NACC2: variants seen among roughly 807,000 people sequenced by gnomAD.
NACC2 encodes the protein nucleus accumbens-associated protein 2.
A neutral mutation model predicts 25.1 loss-of-function variants in NACC2; 8 were observed. That is an observed-to-expected ratio of 0.32 (90% CI 0.19 to 0.57). The LOEUF (loss-of-function observed/expected upper bound fraction) is 0.57, where lower values mean the gene tolerates loss of function less well. Among genes scored for constraint, NACC2 ranks in the 20% least tolerant of loss-of-function variants. The pLI is 0.89. For synonymous variants in NACC2, 435 were observed against 294.7 expected, an observed-to-expected ratio of 1.48 and a Z score of -4.88; for missense variants, 644 against 650.2, an observed-to-expected ratio of 0.99 and a Z score of 0.10.
intron 1 of NACC2, among the ~76,000 whole-genome samples, chr9:136,060,017 G>T (rs1156938692): frequency 6.6e-6 from 1 of 152,262 alleles, no homozygotes; most frequent in African/African-American, 2.4e-5. Flanking sequence ...GACACAGGGT[G>T]ACCCCACTCT....
intron 1 of NACC2, among the ~76,000 whole-genome samples, chr9:136,058,156 C>T (rs1256332097): frequency 2.6e-5 from 4 of 152,346 alleles, no homozygotes; most frequent in African/African-American, 9.6e-5. Context: ...CCCTGGCTGG[C>T]AAGGGGGCTG....
At chr9:136,088,816 C>T (rs1270340722) in intron 1 of NACC2, among the ~76,000 whole-genome samples, 3 of 152,168 alleles carry the variant, frequency 2.0e-5, no homozygotes, top group African/African-American at 7.2e-5. Context: ...AGCACAAGGG[C>T]TGGGCTGTCC....
At chr9:136,074,926 C>G (rs79106207) in intron 1 of NACC2, among the ~76,000 whole-genome samples, 6,700 of 152,298 alleles carry the variant, frequency 0.044, 177 homozygotes, top group Non-Finnish European at 0.058. Context: ...AATGGGTTCT[C>G]GCACGGCCTC....
At chr9:136,028,987 C>A (rs1840436366) in intron 2 of NACC2, among the ~76,000 whole-genome samples, 1 of 152,138 alleles carries the variant, frequency 6.6e-6, no homozygotes, top group Non-Finnish European at 1.5e-5. Context: ...GGGCTAACAG[C>A]CTGGGTGTGT....
intron 5 of NACC2, among the ~76,000 whole-genome samples, chr9:136,012,650 A>C (rs1840128297): frequency 7.1e-6 from 1 of 141,262 alleles, no homozygotes; most frequent in East Asian, 2.0e-4. Context: ...TTGCCTCACA[A>C]GGTTTTTTTT....
chr9:136,089,615 C>A (rs1302585571), intron 1 of NACC2, among the ~76,000 whole-genome samples: 1 of 151,930 alleles, frequency 6.6e-6, no homozygotes, highest in Admixed American at 6.5e-5. Context: ...TACCTCTACA[C>A]CACTTGGCAC....
At chr9:136,052,398 TG>T (rs1840858827) in intron 1 of NACC2, among the ~76,000 whole-genome samples, 1 of 141,266 alleles carries the variant, frequency 7.1e-6, no homozygotes, top group Non-Finnish European at 1.5e-5. Context: ...CTGGCAGAGC[TG>T]AACTCCTCCA....
Position 136,019,572 on chromosome 9 carries a change from G to C in NACC2, c.887-3143C>G, listed in dbSNP as rs1298750731. 1 of 152,306 alleles carries C rather than the reference G, an allele frequency of 6.6e-6. No homozygotes were observed. 9.4% of individuals were successfully genotyped at this position (152,306 alleles called of 1,614,324 possible). A position where few individuals can be genotyped will look rare whatever the true frequency, so the allele number is the denominator to read the frequency against. ...GACATCTGGGAACAGCTCATAAAGA[G>C]CAATGAGCTAACTGCATGGAGGTGA... On this transcript the variant is annotated intron_variant, in intron 2 of 5. Coordinates refer to ENST00000277554, the MANE Select transcript of NACC2 (RefSeq NM_144653.5). The surrounding 1 kb of genome is among the most constrained non-coding windows in gnomAD (Gnocchi z 5.2).
At chr9:136,070,342 C>A (rs1285819802) in intron 1 of NACC2, among the ~76,000 whole-genome samples, 1 of 151,560 alleles carries the variant, frequency 6.6e-6, no homozygotes, top group Non-Finnish European at 1.5e-5. Context: ...CCCGTCTCTA[C>A]TAAAAATGCA....
chr9:136,082,442 G>A (rs1830333956), intron 1 of NACC2, among the ~76,000 whole-genome samples: 3 of 152,206 alleles, frequency 2.0e-5, no homozygotes, highest in Admixed American at 6.5e-5. Context: ...GCACAGGGCC[G>A]AGCTGATGGT....
chr9:136,085,897 C>T (rs562455596), intron 1 of NACC2, among the ~76,000 whole-genome samples: 4 of 152,350 alleles, frequency 2.6e-5, no homozygotes, highest in South Asian at 2.1e-4. Flanking sequence ...AGAGGCCGGG[C>T]GCCGTGCAGG....
At chr9:136,094,607 C>G (rs572970575) in intron 1 of NACC2, among the ~76,000 whole-genome samples, 1 of 152,150 alleles carries the variant, frequency 6.6e-6, no homozygotes, top group Non-Finnish European at 1.5e-5. Context: ...ACCCCAGTTT[C>G]TCCCCAGGCT....
chr9:136,089,498 G>C (rs1424873406), intron 1 of NACC2, among the ~76,000 whole-genome samples: 1 of 151,928 alleles, frequency 6.6e-6, no homozygotes, highest in Non-Finnish European at 1.5e-5. Flanking sequence ...AACCCCACCT[G>C]GTGGGGGGCT....
chr9:136,069,401 T>G (rs1289635611), intron 1 of NACC2, among the ~76,000 whole-genome samples: 1 of 151,078 alleles, frequency 6.6e-6, no homozygotes, highest in Non-Finnish European at 1.5e-5. Context: ...ATACAAAAAT[T>G]AGCCGGGCGT....
intron 1 of NACC2, among the ~76,000 whole-genome samples, chr9:136,085,155 TTTTTTTTTG>T (rs1373091000): frequency 1.0e-4 from 13 of 129,480 alleles, no homozygotes; most frequent in African/African-American, 2.9e-4. Context: ...TTTTTTTTTT[TTTTTTTTTG>T]GCGAGACTGA....
At chr9:136,081,071 C>T (rs1351818134) in intron 1 of NACC2, among the ~76,000 whole-genome samples, 3 of 152,148 alleles carry the variant, frequency 2.0e-5, no homozygotes, top group Admixed American at 6.5e-5. Flanking sequence ...GGATCACGAA[C>T]GGCTGCGGGG....
chr9:136,072,535 ACT>A (rs963895121), intron 1 of NACC2, among the ~76,000 whole-genome samples: 3 of 151,756 alleles, frequency 2.0e-5, no homozygotes, highest in Non-Finnish European at 2.9e-5. Context: ...ACAGGGCAAG[ACT>A]CTGTCTCAAA....
rs1406984094 is a variant in NACC2, at chr9:136,012,004, G to C, written c.1276C>G (p.Pro426Ala). 1 of 1,593,822 alleles carries C rather than the reference G, an allele frequency of 6.3e-7. No homozygotes were observed. The highest frequency in any genetic ancestry group is 1.7e-5 in the Admixed American group (1 of 59,096). Residue 426 changes from proline to alanine, a missense_variant, in exon 6 of 6, where the codon CCC becomes GCC. By Grantham distance (27) the Pro-to-Ala change is conservative. Transcript: ENST00000277554. ...AVKLYCQNFA[P>A]SFKESEMNVI... The stretch of plus-strand genomic sequence containing the variant: ...TTCATCTCGCTCTCCTTGAAGCTGG[G>C]GGCGAAGTTCTGACAGTACACTGTG...
At chr9:136,030,950 C>T (rs1045882430) in intron 2 of NACC2, among the ~76,000 whole-genome samples, 6 of 152,078 alleles carry the variant, frequency 3.9e-5, no homozygotes, top group East Asian at 1.9e-4. Flanking sequence ...AGTGAACCAC[C>T]GTGCCCGGCC....
Sources: gnomAD v4.1 joint callset for allele counts (sites outside exome capture counted in the v4.1 genomes callset) on GRCh38, gnomAD v4.1.1 for gene constraint, Gnocchi (gnomAD v3.1) non-coding constraint, MANE v1.5 for transcripts, NCBI Gene and HGNC (gene_info 2026-07-23, HGNC 2026-07-21) for gene names.